STAC: variants seen among roughly 807,000 people sequenced by gnomAD.
STAC encodes SH3 and cysteine rich domain.
STAC carries 43 observed loss-of-function variants against 48.8 expected under a neutral mutation model. The observed-to-expected ratio is 0.88, with a 90% CI of 0.69 to 1.14. The LOEUF (loss-of-function observed/expected upper bound fraction) is 1.14, where lower values mean the gene tolerates loss of function less well. Ranked by LOEUF, STAC falls within the 50% of genes most tolerant of loss-of-function variation. STAC has a pLI of 0.00. For missense variants in STAC, 497 were observed against 504.0 expected, an observed-to-expected ratio of 0.99 and a Z score of 0.13; for synonymous variants, 193 against 179.5, an observed-to-expected ratio of 1.07 and a Z score of -0.60.
chr3:36,492,917 C>G (rs1698029288), intron 5 of STAC, among the ~76,000 whole-genome samples: 1 of 152,172 alleles, frequency 6.6e-6, no homozygotes, highest in African/African-American at 2.4e-5. Flanking sequence ...ATATTCAATA[C>G]TCACTGGATA....
chr3:36,530,239 AT>A (rs1699030752), intron 10 of STAC, among the ~76,000 whole-genome samples: 1 of 152,216 alleles, frequency 6.6e-6, no homozygotes, highest in Non-Finnish European at 1.5e-5. Context: ...TGGTATAAGA[AT>A]TTTATTATTT....
intron 8 of STAC, among the ~76,000 whole-genome samples, chr3:36,528,039 G>A (rs1214135023): frequency 6.6e-6 from 1 of 152,170 alleles, no homozygotes; most frequent in African/African-American, 2.4e-5. Context: ...ACATATCTAT[G>A]TATAAATGTA....
chr3:36,444,707 G>A (rs1250624509), intron 2 of STAC, among the ~76,000 whole-genome samples: 1 of 152,152 alleles, frequency 6.6e-6, no homozygotes, highest in African/African-American at 2.4e-5. Context: ...CTGACAAAGG[G>A]CTTGGATACA....
At chr3:36,472,820 T>A (rs1321993700) in intron 2 of STAC, among the ~76,000 whole-genome samples, 1 of 152,220 alleles carries the variant, frequency 6.6e-6, no homozygotes, top group Non-Finnish European at 1.5e-5. Context: ...CTTTAGGAAG[T>A]TCCAAACTTT....
chr3:36,437,931 GTTATTATTATTA>G (rs146079093), intron 1 of STAC, among the ~76,000 whole-genome samples: 3 of 140,576 alleles, frequency 2.1e-5, no homozygotes, highest in Admixed American at 1.4e-4. Context: ...TATTCATTGA[GTTATTATTATTA>G]TTATTATTAT....
chr3:36,419,047 CAAAA>C (rs1193056059), intron 1 of STAC, among the ~76,000 whole-genome samples: 5 of 90,536 alleles, frequency 5.5e-5, no homozygotes, highest in Admixed American at 2.3e-4. Context: ...AACTCCGACT[CAAAA>C]AAAAAAAAAA....
intron 1 of STAC, among the ~76,000 whole-genome samples, chr3:36,442,211 G>A (rs539013633): frequency 6.6e-4 from 101 of 152,288 alleles, no homozygotes; most frequent in Middle Eastern, 3.4e-3. Context: ...AGAGTTTATG[G>A]AGCAAAAGTG....
At chr3:36,531,074 T>C (rs1268926712) in intron 10 of STAC, among the ~76,000 whole-genome samples, 1 of 152,184 alleles carries the variant, frequency 6.6e-6, no homozygotes, top group Non-Finnish European at 1.5e-5. Flanking sequence ...ATTTTCCCTA[T>C]ATATTTTAAC....
At chr3:36,514,204 C>CTTTT (rs765548085) in intron 8 of STAC, among the ~76,000 whole-genome samples, 1,442 of 36,468 alleles carry the variant, frequency 0.04, 270 homozygotes, top group East Asian at 0.076. Context: ...CACTGGCCTT[C>CTTTT]TTTTTTTTTT....
intron 7 of STAC, among the ~76,000 whole-genome samples, chr3:36,504,779 A>G (rs996159295): frequency 6.6e-6 from 1 of 152,058 alleles, no homozygotes; most frequent in African/African-American, 2.4e-5. Context: ...TAAAATTTAG[A>G]CAAACTAGAA....
chr3:36,381,973 C>T (rs1487710791), intron 1 of STAC, among the ~76,000 whole-genome samples: 1 of 152,132 alleles, frequency 6.6e-6, no homozygotes, highest in Non-Finnish European at 1.5e-5. Flanking sequence ...CCCCAACTTC[C>T]AGAGACATTG....
chr3:36,388,499 A>C (rs1409763866), intron 1 of STAC, among the ~76,000 whole-genome samples: 5 of 151,888 alleles, frequency 3.3e-5, no homozygotes, highest in African/African-American at 1.2e-4. Context: ...TAAATGTCTC[A>C]AATTTATTTA....
At chr3:36,411,874 C>T (rs1359306097) in intron 1 of STAC, among the ~76,000 whole-genome samples, 2 of 152,162 alleles carry the variant, frequency 1.3e-5, no homozygotes, top group Non-Finnish European at 2.9e-5. Flanking sequence ...TTCTGAGTCT[C>T]AGTCTCCTGA....
intron 4 of STAC, chr3:36,485,867 A>T (rs111598522): frequency 1.2e-4 from 35 of 297,372 alleles, no homozygotes; most frequent in Admixed American, 5.0e-4. Context: ...TGGAAATCAG[A>T]GAGGAATAAC....
intron 8 of STAC, among the ~76,000 whole-genome samples, chr3:36,521,104 C>T (rs1698792873): frequency 6.6e-6 from 1 of 151,928 alleles, no homozygotes; most frequent in Non-Finnish European, 1.5e-5. Context: ...ATTTGGCTGG[C>T]TCCTTTTTCT....
chr3:36,490,202 T>C (rs375536242), intron 5 of STAC, among the ~76,000 whole-genome samples: 3 of 152,198 alleles, frequency 2.0e-5, no homozygotes, highest in South Asian at 2.1e-4. Flanking sequence ...GATCTGAAGT[T>C]TGAAACAGAG....
chr3:36,404,568 T>C (rs956941399), intron 1 of STAC, among the ~76,000 whole-genome samples: 2 of 152,120 alleles, frequency 1.3e-5, no homozygotes, highest in African/African-American at 2.4e-5. Context: ...CAGCAAAAAT[T>C]AGTAAGGCCT....
chr3:36,412,061 T>G (rs574696504), intron 1 of STAC, among the ~76,000 whole-genome samples: 1 of 152,310 alleles, frequency 6.6e-6, no homozygotes, highest in South Asian at 2.1e-4. Flanking sequence ...CTTACAATAA[T>G]TTAAGCAAAT....
intron 1 of STAC, among the ~76,000 whole-genome samples, chr3:36,413,634 C>A (rs1018811966): frequency 6.6e-6 from 1 of 152,108 alleles, no homozygotes; most frequent in Admixed American, 6.6e-5. Context: ...ATCCAATTTG[C>A]CAGTCTGTGT....
Sources: gnomAD v4.1 joint callset for allele counts (sites outside exome capture counted in the v4.1 genomes callset) on GRCh38, gnomAD v4.1.1 for gene constraint, MANE v1.5 for transcripts, NCBI Gene and HGNC (gene_info 2026-07-23, HGNC 2026-07-21) for gene names.